ANXA6: variants seen among roughly 807,000 people sequenced by gnomAD.
ANXA6 encodes 67 kDa calelectrin.
ANXA6 carries 71 observed loss-of-function variants against 95.4 expected under a neutral mutation model. The ratio of observed to expected loss-of-function variants is 0.74; its 90% CI spans 0.61 to 0.91. ANXA6 has a LOEUF of 0.91. Ranked by LOEUF, ANXA6 falls within the 40% of genes least tolerant of loss-of-function variation. The pLI is 0.00. For missense variants in ANXA6, 830 were observed against 876.4 expected, an observed-to-expected ratio of 0.95 and a Z score of 0.67; for synonymous variants, 289 against 315.9, an observed-to-expected ratio of 0.91 and a Z score of 0.90.
chr5:151,145,809 T>C (rs1326381530), intron 2 of ANXA6, among the ~76,000 whole-genome samples: 1 of 152,118 alleles, frequency 6.6e-6, no homozygotes, highest in Non-Finnish European at 1.5e-5. Context: ...ACCCCAAGCA[T>C]ACCAAATTAC....
intron 1 of ANXA6, chr5:151,155,655 C>T (rs543949081): frequency 1.9e-4 from 29 of 152,214 alleles, no homozygotes; most frequent in Non-Finnish European, 3.8e-4. Flanking sequence ...ATCGGAGAGG[C>T]TGGGTGGGGT....
intron 17 of ANXA6, among the ~76,000 whole-genome samples, chr5:151,120,941 CCT>C (rs761815986): frequency 4.6e-5 from 7 of 152,196 alleles, no homozygotes; most frequent in African/African-American, 9.7e-5. Context: ...ACTCTCTGAG[CCT>C]CTCTGTTTCC....
At chr5:151,142,481 CA>C (rs35440128) in intron 2 of ANXA6, among the ~76,000 whole-genome samples, 1,936 of 132,726 alleles carry the variant, frequency 0.015, 34 homozygotes, top group African/African-American at 0.047. Context: ...GACTCTGTCT[CA>C]AAAAAAAAAA....
intron 13 of ANXA6, among the ~76,000 whole-genome samples, chr5:151,126,715 T>C (rs1765333912): frequency 9.3e-6 from 1 of 107,448 alleles, no homozygotes; most frequent in Admixed American, 1.0e-4. Flanking sequence ...GCTGCCTTTT[T>C]TATTTTTTAT....
intron 7 of ANXA6, among the ~76,000 whole-genome samples, chr5:151,135,837 A>G (rs1284656694): frequency 1.3e-5 from 2 of 152,184 alleles, no homozygotes; most frequent in Non-Finnish European, 2.9e-5. Flanking sequence ...AAAAAATCCA[A>G]CTTGGCAGGT....
rs1440343626 is a variant in ANXA6 at position 151,105,232 on chromosome 5, C to T, written c.1839+13G>A. ...GTGCTTGAAGGGAAAGGAACGCCAGCATGTTTTCTTACCTTCATGGATTTG... is the reference window on the plus strand; with the variant it reads ...GTGCTTGAAGGGAAAGGAACGCCAGTATGTTTTCTTACCTTCATGGATTTG... On this transcript the variant is annotated intron_variant, in intron 24 of 25. Transcript: ENST00000354546. 1.9e-6 allele frequency: 3 copies of T among 1,612,626 alleles called. No homozygotes were observed. The highest frequency in any genetic ancestry group is 2.2e-5 in the South Asian group (2 of 91,052).
intron 8 of ANXA6, 54 bp from the exon 9 acceptor site, chr5:151,133,241 C>G: frequency 7.6e-7 from 1 of 1,321,174 alleles, no homozygotes; most frequent in Admixed American, 2.0e-5. Context: ...GGAGACAGGA[C>G]ACACTGACCA....
chr5:151,129,390 C>A lies in ANXA6; in HGVS notation c.918+17G>T, dbSNP rs758953458. The A allele has an allele frequency of 1.2e-6, 2 of 1,612,994 alleles. No homozygotes were observed. Among genetic ancestry groups the A allele is most frequent in the Non-Finnish European group, 1.7e-6 (2 of 1,179,772 alleles). ...AAGCTCTTTGCTCCCTTCTCTGCCC[C>A]CATGAGCTCTGCTGACCTTGATCAT... On this transcript the variant is annotated intron_variant, in intron 12 of 25. Coordinates refer to ENST00000354546, the MANE Select transcript of ANXA6 (RefSeq NM_001155.5).
At chr5:151,103,900 G>T (rs1764620320) in intron 24 of ANXA6, among the ~76,000 whole-genome samples, 2 of 152,200 alleles carry the variant, frequency 1.3e-5, no homozygotes, top group African/African-American at 2.4e-5. Flanking sequence ...GATGTGTGTG[G>T]GTTGAATAGT....
Position 151,129,496 on chromosome 5 carries a change from T to C in ANXA6, c.829A>G (p.Ile277Val), listed in dbSNP as rs758821843. The C allele has an allele frequency of 6.8e-6, 11 of 1,610,642 alleles. No homozygotes were observed. Among genetic ancestry groups the C allele is most frequent in the Admixed American group, 3.4e-5 (2 of 59,636 alleles). Residue 277 changes from isoleucine to valine, a missense_variant, in exon 12 of 26, where the codon ATC (isoleucine) becomes GTC (valine). Transcript: ENST00000354546. The part of the protein sequence containing the change: ...LGTRDNTLIR[I>V]MVSRSELDML... ...TCCAACTCACTACGGGAGACCATGA[T>C]GCGGATCAGGGTGTTGTCCCGAGTC...
chr5:151,104,170 G>C (rs1764628674), intron 24 of ANXA6, among the ~76,000 whole-genome samples: 1 of 152,186 alleles, frequency 6.6e-6, no homozygotes, highest in Non-Finnish European at 1.5e-5. Flanking sequence ...AGAGGCAGGG[G>C]AGTGCTTCTC....
Position 151,139,434 on chromosome 5 carries a change from C to T in ANXA6, c.123G>A (p.Glu41=). 6.2e-7 allele frequency: 1 copy of T among 1,613,244 alleles called. No individual in the cohort carries two copies. The highest frequency in any genetic ancestry group is 8.5e-7 in the Non-Finnish European group (1 of 1,179,332). Residue 41 remains glutamate, a synonymous_variant, in exon 4 of 26, where the codon GAG becomes GAA. Transcript: ENST00000354546. The stretch of plus-strand genomic sequence containing the variant: ...GTGAGGTGATTATGTCCAGTATGGC[C>T]TCCTTGTCACTGCCTGGAATAGGGG... ...TAMKGFGSDK[E]AILDIITSRS...
chr5:151,137,144 G>C (rs1490981023), intron 6 of ANXA6, 87 bp downstream of exon 6: 2 of 1,127,924 alleles, frequency 1.8e-6, no homozygotes, highest in South Asian at 1.4e-5. Flanking sequence ...AGAGAAGGTA[G>C]ATGGCTAGAA....
intron 8 of ANXA6, among the ~76,000 whole-genome samples, chr5:151,133,476 C>A (rs184611134): frequency 1.3e-5 from 2 of 152,170 alleles, no homozygotes; most frequent in Non-Finnish European, 2.9e-5. Flanking sequence ...TGCTCCTAGG[C>A]GGCACACCTA....
In ANXA6 at chr5:151,116,765, T is replaced by C. The variant is rs570914934; in HGVS notation, c.1572+362A>G. Among the ~76,000 whole-genome samples, 4 of 152,294 alleles carry C rather than the reference T, an allele frequency of 2.6e-5. No individual in the cohort carries two copies. In the South Asian group the frequency reaches 8.3e-4, roughly 32 times the overall value. On this transcript the variant is annotated intron_variant, in intron 20 of 25. Coordinates refer to ENST00000354546, the MANE Select transcript of ANXA6 (RefSeq NM_001155.5). Reference sequence around the variant, plus strand: ...GCACTCAGGCCCTCTTCTCAGCAAGTTCCCAGACCAGCTCTCTAGGGGTCA... The same window carrying C: ...GCACTCAGGCCCTCTTCTCAGCAAGCTCCCAGACCAGCTCTCTAGGGGTCA...
At chr5:151,130,851 G>A (rs1765491508) in intron 11 of ANXA6, among the ~76,000 whole-genome samples, 1 of 152,244 alleles carries the variant, frequency 6.6e-6, no homozygotes, top group East Asian at 1.9e-4. Context: ...CACCCAGAGT[G>A]GAACTGTCAC....
intron 11 of ANXA6, 73 bp downstream of exon 11, chr5:151,131,158 G>C (rs958882678): frequency 3.1e-5 from 47 of 1,524,984 alleles, no homozygotes; most frequent in Non-Finnish European, 4.3e-5. Flanking sequence ...TTGGCCACTG[G>C]ATCCCAAGGA....
chr5:151,133,014 T>TAAAGA (rs202179966), intron 9 of ANXA6, 80 bp downstream of exon 9: 605 of 881,980 alleles, frequency 6.9e-4, no homozygotes, highest in Middle Eastern at 2.3e-3. Flanking sequence ...CCATTAGTGG[T>TAAAGA]AAAGAAAAGA....
chr5:151,124,502 G>T (rs548192455), intron 14 of ANXA6, 135 bp from the exon 15 acceptor site: 1 of 721,514 alleles, frequency 1.4e-6, no homozygotes, highest in South Asian at 1.6e-5. Context: ...AGAGGCAGAG[G>T]TGAAGCCACA....
Sources: allele counts gnomAD v4.1 joint callset (sites outside exome capture counted in the v4.1 genomes callset), GRCh38; gene constraint gnomAD v4.1.1; transcripts MANE v1.5; gene names NCBI Gene and HGNC (gene_info 2026-07-23, HGNC 2026-07-21).